CYTIP: variants seen among roughly 807,000 people sequenced by gnomAD.
CYTIP encodes cytohesin 1 interacting protein.
In CYTIP, 26 loss-of-function variants were observed where a neutral mutation model predicts 43.8. The ratio of observed to expected loss-of-function variants is 0.59; its 90% CI spans 0.44 to 0.82. The LOEUF (loss-of-function observed/expected upper bound fraction) is 0.82. Among genes scored for constraint, CYTIP ranks in the 40% least tolerant of loss-of-function variants. The pLI is 0.00. For synonymous variants in CYTIP, 162 were observed against 162.9 expected, an observed-to-expected ratio of 0.99 and a Z score of 0.04; for missense variants, 426 against 443.1, an observed-to-expected ratio of 0.96 and a Z score of 0.35.
chr2:157,437,443 G>GGTGGC, intron 1 of CYTIP, among the ~76,000 whole-genome samples: 1 of 152,230 alleles, frequency 6.6e-6, no homozygotes, highest in East Asian at 1.9e-4. Flanking sequence ...GCTCACACCT[G>GGTGGC]TAATCCCAGC....
At position 157,416,130 on chromosome 2, in the gene CYTIP, A is replaced by G; in HGVS notation, c.627T>C (p.Asn209=). The part of the protein sequence containing the change: ...EHRLLHGDAA[N]CPSLENMDLD... ...AGTCCATGTTTTCCAAACTGGGGCA[A>G]TTAGCTGCATCACCTAGAGCACAAA... is the stretch of plus-strand genomic sequence containing the variant. Residue 209 remains asparagine, a synonymous_variant, in exon 8 of 8, where the codon AAT becomes AAC. Coordinates refer to ENST00000264192, the MANE Select transcript of CYTIP (RefSeq NM_004288.5). The G allele has an allele frequency of 6.2e-7, 1 of 1,609,366 alleles. No homozygotes were observed.
chr2:157,418,312 C>T (rs1189616867), intron 7 of CYTIP, among the ~76,000 whole-genome samples: 9 of 152,166 alleles, frequency 5.9e-5, no homozygotes, highest in Non-Finnish European at 7.4e-5. Context: ...TGTGCATCTG[C>T]GTCATGATAC....
chr2:157,420,175 AT>A (rs199979994), intron 6 of CYTIP, among the ~76,000 whole-genome samples: 3 of 151,846 alleles, frequency 2.0e-5, no homozygotes, highest in Non-Finnish European at 4.4e-5. Flanking sequence ...ATCTCTACAA[AT>A]TTTTTTTTCT....
intron 6 of CYTIP, among the ~76,000 whole-genome samples, chr2:157,426,880 C>A (rs1443086622): frequency 1.3e-5 from 2 of 152,048 alleles, no homozygotes; most frequent in Admixed American, 6.6e-5. Flanking sequence ...AGTGTATTTG[C>A]CAATGAAAGC....
At chr2:157,421,354 T>A (rs1685519780) in intron 6 of CYTIP, among the ~76,000 whole-genome samples, 1 of 152,196 alleles carries the variant, frequency 6.6e-6, no homozygotes, top group African/African-American at 2.4e-5. Flanking sequence ...CTATCACACA[T>A]TTGTTCCAAA....
rs1558940973 is a variant in CYTIP at position 157,434,837 on chromosome 2, T to TCC, written c.175-91_175-90insGG. ...ATCTCTCTCTCTCTCTCTCTCTCTC[T>TCC]CTCTCTCTCTCTCACACACACACAC... is the stretch of plus-strand genomic sequence containing the variant. On this transcript the variant is annotated intron_variant, in intron 1 of 7. Transcript: ENST00000264192. 74 of 477,216 alleles carry TCC rather than the reference T, an allele frequency of 1.6e-4. 1 individual carries two copies. The African/African-American group carries it at 1.7e-3, about 11-fold the overall frequency. The allele number at this position is 477,216 out of a possible 1,614,324, so 29.6% of individuals were successfully genotyped here.
intron 1 of CYTIP, among the ~76,000 whole-genome samples, chr2:157,441,957 G>T (rs1253639647): frequency 6.6e-6 from 1 of 152,128 alleles, no homozygotes; most frequent in South Asian, 2.1e-4. Context: ...TTTTTCAGGG[G>T]AAGTTGTCCA....
intron 5 of CYTIP, among the ~76,000 whole-genome samples, chr2:157,429,611 G>T (rs1301867898): frequency 6.6e-6 from 1 of 152,132 alleles, no homozygotes; most frequent in Non-Finnish European, 1.5e-5. Flanking sequence ...CAATAAATAT[G>T]ATTTTAATGA....
chr2:157,441,603 T>TACACAC (rs35513959), intron 1 of CYTIP, among the ~76,000 whole-genome samples: 1 of 148,520 alleles, frequency 6.7e-6, no homozygotes, highest in South Asian at 2.2e-4. Flanking sequence ...TATATGCACA[T>TACACAC]ACACACACAC....
chr2:157,434,797 T>G (rs897589915), intron 1 of CYTIP, 50 bp from the exon 2 acceptor site: 4 of 1,258,402 alleles, frequency 3.2e-6, no homozygotes, highest in Non-Finnish European at 4.5e-6. Context: ...CAAGATACAC[T>G]GTAAAATGTT....
At position 157,437,088 on chromosome 2, in the gene CYTIP, T is replaced by C. The variant is rs193225199; in HGVS notation, c.175-2341A>G. On this transcript the variant is annotated intron_variant, in intron 1 of 7. Transcript: ENST00000264192. ...ATAAGTAAATGGATCAAAACCTTCA[T>C]GTAAAACCTGAGACAATAAAACTAC... Among the ~76,000 whole-genome samples the C allele has an allele frequency of 1.3e-3, 201 of 152,286 alleles. 1 individual carries two copies. The highest frequency in any genetic ancestry group is 4.6e-3 in the African/African-American group (190 of 41,574).
chr2:157,422,503 T>C (rs1685537537), intron 6 of CYTIP, among the ~76,000 whole-genome samples: 1 of 151,852 alleles, frequency 6.6e-6, no homozygotes, highest in African/African-American at 2.4e-5. Flanking sequence ...ATCCTGTCTC[T>C]ACTAAAAATA....
At chr2:157,424,647 G>A (rs1026558000) in intron 6 of CYTIP, among the ~76,000 whole-genome samples, 8 of 152,236 alleles carry the variant, frequency 5.3e-5, no homozygotes, top group Middle Eastern at 6.8e-3. Flanking sequence ...CTATGATCAC[G>A]TTGCTGCACT....
chr2:157,426,500 C>T lies in CYTIP; in HGVS notation c.546+851G>A, dbSNP rs145971228. On this transcript the variant is annotated intron_variant, in intron 6 of 7. Coordinates refer to ENST00000264192, the MANE Select transcript of CYTIP (RefSeq NM_004288.5). Reference sequence around the variant, plus strand: ...AAAAAGATACAAAATAAAATCCACTCTCTTGGGCTCAATAATTAATAAGCT... The same window carrying T: ...AAAAAGATACAAAATAAAATCCACTTTCTTGGGCTCAATAATTAATAAGCT... 3.3e-3 allele frequency among the ~76,000 whole-genome samples: 507 copies of T among 152,302 alleles called. 3 individuals are homozygous for T. The highest frequency in any genetic ancestry group is 4.4e-3 in the Non-Finnish European group (302 of 68,004).
At chr2:157,425,788 T>C (rs1482780383) in intron 6 of CYTIP, among the ~76,000 whole-genome samples, 2 of 152,128 alleles carry the variant, frequency 1.3e-5, no homozygotes, top group African/African-American at 2.4e-5. Flanking sequence ...AAAAACAAAT[T>C]AACTTTAAAT....
chr2:157,424,464 A>G (rs983592857), intron 6 of CYTIP, among the ~76,000 whole-genome samples: 2 of 152,132 alleles, frequency 1.3e-5, no homozygotes, highest in Admixed American at 6.5e-5. Flanking sequence ...AAATGGTAAG[A>G]TCATCTATCA....
At chr2:157,424,874 T>C (rs1389717255) in intron 6 of CYTIP, among the ~76,000 whole-genome samples, 1 of 152,122 alleles carries the variant, frequency 6.6e-6, no homozygotes, top group East Asian at 1.9e-4. Context: ...AGAAAGCCTA[T>C]AAGCAAATCC....
At chr2:157,424,198 C>T (rs2105135907) in intron 6 of CYTIP, among the ~76,000 whole-genome samples, 1 of 152,210 alleles carries the variant, frequency 6.6e-6, no homozygotes, top group East Asian at 1.9e-4. Context: ...CCAAAATAAT[C>T]TACAGATAAT....
chr2:157,427,008 A>G (rs1685621470), intron 6 of CYTIP, among the ~76,000 whole-genome samples: 1 of 152,172 alleles, frequency 6.6e-6, no homozygotes, highest in Non-Finnish European at 1.5e-5. Context: ...CCTCCAACAC[A>G]CTTGGGAAAA....
Sources: gnomAD v4.1 joint callset for allele counts (sites outside exome capture counted in the v4.1 genomes callset) on GRCh38, gnomAD v4.1.1 for gene constraint, MANE v1.5 for transcripts, NCBI Gene and HGNC (gene_info 2026-07-23, HGNC 2026-07-21) for gene names.